The following NKX2-2 variants were observed in gnomAD, a reference collection of about 807,000 sequenced individuals.
The protein encoded by NKX2-2 is NK2 homeobox 2.
NKX2-2 carries 8 observed loss-of-function variants against 24.6 expected under a neutral mutation model. The observed-to-expected ratio is 0.32, with a 90% CI of 0.19 to 0.59. The LOEUF (loss-of-function observed/expected upper bound fraction) is 0.59. Ranked by LOEUF, NKX2-2 falls within the 20% of genes least tolerant of loss-of-function variation. The pLI is 0.86. For missense variants in NKX2-2, 381 were observed against 373.9 expected, an observed-to-expected ratio of 1.02 and a Z score of -0.16; for synonymous variants, 217 against 173.3, an observed-to-expected ratio of 1.25 and a Z score of -1.98.
At chr20:21,516,473 C>T (rs1212771428), upstream of NKX2-2, among the ~76,000 whole-genome samples, 1 of 151,562 alleles carries the variant, frequency 6.6e-6, no homozygotes, top group Non-Finnish European at 1.5e-5. Flanking sequence ...GAGCTCGTCG[C>T]TCTGCCCCGT....
Position 21,513,838 on chromosome 20 carries a change from A to C in NKX2-2, c.-169T>G. On this transcript the variant is annotated 5_prime_UTR_variant, in exon 1 of 2. Coordinates refer to ENST00000377142, the MANE Select transcript of NKX2-2 (RefSeq NM_002509.4). This position sits in a 1 kb window ranked among gnomAD's most constrained non-coding sequence, Gnocchi z 4.6. ...GGATAATTATTATTTTTAAAAAGAGAAAGAAACTGGGGATGGGGAGGAAAA... is the reference window on the plus strand; with the variant it reads ...GGATAATTATTATTTTTAAAAAGAGCAAGAAACTGGGGATGGGGAGGAAAA... 2.0e-6 allele frequency: 1 copy of C among 507,320 alleles called. No individual in the cohort carries two copies. The highest frequency in any genetic ancestry group is 3.3e-6 in the Non-Finnish European group (1 of 304,938). 31.4% of individuals were successfully genotyped at this position (507,320 alleles called of 1,614,324 possible).
In NKX2-2 at chr20:21,511,964, T is replaced by C. The variant is rs746462849; in HGVS notation, c.781A>G (p.Thr261Ala). 1.6e-4 allele frequency: 259 copies of C among 1,607,586 alleles called. No individual in the cohort carries two copies. Among genetic ancestry groups the C allele is most frequent in the Non-Finnish European group, 2.2e-4 (254 of 1,177,970 alleles). Residue 261 changes from threonine to alanine, a missense_variant, in exon 2 of 2, where the codon ACA becomes GCA. Physicochemically the swap from Thr to Ala is moderately conservative, Grantham distance 58. This residue lies in a region of NKX2-2 where 139 missense variants were observed against 121.7 expected (regional missense o/e 1.14). Transcript: ENST00000377142. The part of the protein sequence containing the change: ...YSSASTPQYP[T>A]AHPLVQAQQW... ...TGGGCCTGGACCAGGGGGTGTGCTG[T>C]CGGGTACTGGGGGGTGCTGGCCGAG... is the stretch of plus-strand genomic sequence containing the variant.
rs1209469310 is a variant in NKX2-2, at chr20:21,511,264, A to G, written c.*659T>C. ...AGGGGAAAACGCAAAAACAAAAACA[A>G]AACAAAAAACAAACCCAAACAAGCC... On this transcript the variant is annotated 3_prime_UTR_variant, in exon 2 of 2. Coordinates refer to ENST00000377142, the MANE Select transcript of NKX2-2 (RefSeq NM_002509.4). The G allele has an allele frequency of 6.6e-6, 1 of 152,566 alleles. No homozygotes were observed. Among genetic ancestry groups the G allele is most frequent in the Admixed American group, 6.5e-5 (1 of 15,278 alleles). The allele number at this position is 152,566 out of a possible 1,614,324, so 9.5% of individuals were successfully genotyped here.
chr20:21,520,274 G>A, the NKX2-2 span, among the ~76,000 whole-genome samples: 1 of 151,782 alleles, frequency 6.6e-6, no homozygotes, highest in Admixed American at 6.6e-5. Context: ...GATTAACTGT[G>A]GATGCAGGAG....
rs1210490746 is a variant in NKX2-2, at chr20:21,512,081, C to G, written c.664G>C (p.Asp222His). The G allele has an allele frequency of 3.1e-6, 5 of 1,613,756 alleles. No homozygotes were observed. Among genetic ancestry groups the G allele is most frequent in the Non-Finnish European group, 4.2e-6 (5 of 1,179,962 alleles). Reference sequence around the variant, plus strand: ...GCCTGGAAGGTGGCGGCTGCCAGGTCCTGGGCTTTGAGCGCGTGACATGGT... The same window carrying G: ...GCCTGGAAGGTGGCGGCTGCCAGGTGCTGGGCTTTGAGCGCGTGACATGGT... ...GKPCHALKAQ[D>H]LAAATFQAGI... The change falls in exon 2 of 2, where the codon GAC becomes CAC. Residue 222 changes from aspartate to histidine, a missense_variant. Physicochemically the swap from Asp to His is moderately conservative, Grantham distance 81. Around this residue, in one of 3 missense-constraint regions of NKX2-2, gnomAD observed 139 missense variants for 121.7 expected, o/e 1.14. Transcript: ENST00000377142.
chr20:21,512,232 C>T lies in NKX2-2; in HGVS notation c.513G>A (p.Gln171=). 2 of 1,614,028 alleles carry T rather than the reference C, an allele frequency of 1.2e-6. No individual in the cohort carries two copies. The highest frequency in any genetic ancestry group is 1.1e-5 in the South Asian group (1 of 91,080). Residue 171 remains glutamine (Q), a synonymous_variant, in exon 2 of 2, where the codon CAG becomes CAA. Coordinates refer to ENST00000377142, the MANE Select transcript of NKX2-2 (RefSeq NM_002509.4). ...LASLIRLTPT[Q]VKIWFQNHRY... ...GGTGGTTCTGGAACCAGATCTTGAC[C>T]TGCGTGGGCGTGAGGCGGATGAGGC...
At chr20:21,516,224 A>C (rs1403031519), upstream of NKX2-2, among the ~76,000 whole-genome samples, 1 of 151,986 alleles carries the variant, frequency 6.6e-6, no homozygotes, top group East Asian at 1.9e-4. Flanking sequence ...TCATTTCTGA[A>C]TCCGTCCACA....
At chr20:21,522,162 T>A in the NKX2-2 span, among the ~76,000 whole-genome samples, 1 of 152,232 alleles carries the variant, frequency 6.6e-6, no homozygotes, top group African/African-American at 2.4e-5. Context: ...TCGCCACTCC[T>A]GCCGTGATCC....
Position 21,511,881 on chromosome 20 carries a change from T to G in NKX2-2, c.*42A>C. On this transcript the variant is annotated 3_prime_UTR_variant, in exon 2 of 2. Coordinates refer to ENST00000377142, the MANE Select transcript of NKX2-2 (RefSeq NM_002509.4). Reference sequence around the variant, plus strand: ...CTCCTCGCCGCCACCGCCGCCGGGGTGGGGCCTGGGCCTGGGGCCGCGAGT... The same window carrying G: ...CTCCTCGCCGCCACCGCCGCCGGGGGGGGGCCTGGGCCTGGGGCCGCGAGT... 6.8e-7 allele frequency: 1 copy of G among 1,478,244 alleles called. No individual in the cohort carries two copies. The highest frequency in any genetic ancestry group is 9.0e-7 in the Non-Finnish European group (1 of 1,110,038). The allele number at this position is 1,478,244 out of a possible 1,614,324, so 91.6% of individuals were successfully genotyped here.
the NKX2-2 span, among the ~76,000 whole-genome samples, chr20:21,521,826 G>T: frequency 6.6e-6 from 1 of 151,372 alleles, no homozygotes; most frequent in African/African-American, 2.4e-5. Flanking sequence ...TCTACTCCCG[G>T]AGCTGCGGCG....
chr20:21,514,400 CTT>C (rs201392848), upstream of NKX2-2, among the ~76,000 whole-genome samples: 13 of 136,738 alleles, frequency 9.5e-5, no homozygotes, highest in East Asian at 1.9e-3. Flanking sequence ...CGGGGCGAGC[CTT>C]TTTTTTTTTA....
chr20:21,520,009 T>G, the NKX2-2 span, among the ~76,000 whole-genome samples: 2 of 152,088 alleles, frequency 1.3e-5, no homozygotes, highest in Non-Finnish European at 2.9e-5. Context: ...GGTGAGTTTT[T>G]TTTTTTCCTT....
upstream of NKX2-2, among the ~76,000 whole-genome samples, chr20:21,518,425 T>G (rs957209369): frequency 6.6e-6 from 1 of 152,164 alleles, no homozygotes; most frequent in Non-Finnish European, 1.5e-5. Context: ...CCTGTGCCCC[T>G]GGAAGCTAGA....
chr20:21,511,973 G>T lies in NKX2-2; in HGVS notation c.772C>A (p.Gln258Lys), dbSNP rs1481532275. Residue 258 changes from glutamine to lysine, a missense_variant, in exon 2 of 2, where the codon CAG becomes AAG. Physicochemically the swap from Gln to Lys is moderately conservative, Grantham distance 53. This residue lies in a region of NKX2-2 where 139 missense variants were observed against 121.7 expected (regional missense o/e 1.14). Coordinates refer to ENST00000377142, the MANE Select transcript of NKX2-2 (RefSeq NM_002509.4). Reference protein sequence around the residue: ...NAQYSSASTPQYPTAHPLVQA... With the variant: ...NAQYSSASTPKYPTAHPLVQA... ...ACCAGGGGGTGTGCTGTCGGGTACTGGGGGGTGCTGGCCGAGCTGTACTGG... is the reference window on the plus strand; with the variant it reads ...ACCAGGGGGTGTGCTGTCGGGTACTTGGGGGTGCTGGCCGAGCTGTACTGG... 9 of 1,609,788 alleles carry T rather than the reference G, an allele frequency of 5.6e-6. No homozygotes were observed. The highest frequency in any genetic ancestry group is 3.3e-5 in the Admixed American group (2 of 59,968).
In NKX2-2 at chr20:21,511,987, G is replaced by A. The variant is rs1161856352; in HGVS notation, c.758C>T (p.Ser253Leu). 1 of 1,612,596 alleles carries A rather than the reference G, an allele frequency of 6.2e-7. No individual in the cohort carries two copies. Among genetic ancestry groups the A allele is most frequent in the East Asian group, 2.2e-5 (1 of 44,874 alleles). Residue 253 changes from serine to leucine, a missense_variant, in exon 2 of 2, where the codon TCG becomes TTG. By Grantham distance (145) the Ser-to-Leu change is moderately radical. Transcript: ENST00000377142. Reference protein sequence around the residue: ...QHMQYNAQYSSASTPQYPTAH... With the variant: ...QHMQYNAQYSLASTPQYPTAH... ...TGTCGGGTACTGGGGGGTGCTGGCCGAGCTGTACTGGGCGTTGTACTGCAT... is the reference window on the plus strand; with the variant it reads ...TGTCGGGTACTGGGGGGTGCTGGCCAAGCTGTACTGGGCGTTGTACTGCAT...
At chr20:21,517,156 T>G (rs763153230), upstream of NKX2-2, among the ~76,000 whole-genome samples, 19 of 152,190 alleles carry the variant, frequency 1.2e-4, no homozygotes, top group Non-Finnish European at 2.5e-4. Flanking sequence ...CCTTTGCGCC[T>G]GCCCCTTAGC....
the NKX2-2 span, among the ~76,000 whole-genome samples, chr20:21,519,652 C>G: frequency 6.6e-6 from 1 of 152,218 alleles, no homozygotes; most frequent in Non-Finnish European, 1.5e-5. Context: ...TCAGCTCTCA[C>G]GTCCTGGATG....
In NKX2-2 at chr20:21,512,022, C is replaced by T. The variant is rs1980450643; in HGVS notation, c.723G>A (p.Ser241=). The T allele has an allele frequency of 1.5e-5, 25 of 1,613,448 alleles. No individual in the cohort carries two copies. The highest frequency in any genetic ancestry group is 2.0e-5 in the Non-Finnish European group (24 of 1,179,952). ...GGGCGTTGTACTGCATGTGCTGCAG[C>T]GACTGCGCGCTGTAGGCAGAAAAGG... ...GIPFSAYSAQ[S]LQHMQYNAQY... The change falls in exon 2 of 2, where the codon TCG becomes TCA. Residue 241 remains serine (S), a synonymous_variant. Transcript: ENST00000377142.
At chr20:21,522,034 C>T in the NKX2-2 span, among the ~76,000 whole-genome samples, 1 of 152,228 alleles carries the variant, frequency 6.6e-6, no homozygotes, top group African/African-American at 2.4e-5. Flanking sequence ...CTGGGACAGT[C>T]CCGCTTTCCC....
Sources: gnomAD v4.1 joint callset for allele counts (sites outside exome capture counted in the v4.1 genomes callset) on GRCh38, gnomAD v4.1.1 for gene constraint, gnomAD v4.1.1 regional missense constraint, Gnocchi (gnomAD v3.1) non-coding constraint, MANE v1.5 for transcripts, NCBI Gene and HGNC (gene_info 2026-07-23, HGNC 2026-07-21) for gene names.